The following NPY2R variants were observed in gnomAD, a reference collection of about 807,000 sequenced individuals.
NPY2R encodes the protein neuropeptide Y receptor type 2.
Under a neutral mutation model 22.3 loss-of-function variants are expected in NPY2R, and 17 were observed. The ratio of observed to expected loss-of-function variants is 0.76; its 90% CI spans 0.52 to 1.14. The LOEUF is 1.14. Among genes scored for constraint, NPY2R ranks in the 50% most tolerant of loss-of-function variants. The pLI is 0.00. For synonymous variants in NPY2R, 209 were observed against 183.4 expected, an observed-to-expected ratio of 1.14 and a Z score of -1.13; for missense variants, 424 against 467.9, an observed-to-expected ratio of 0.91 and a Z score of 0.87.
chr4:155,178,888 C>T, the NPY2R span, among the ~76,000 whole-genome samples: 5 of 152,130 alleles, frequency 3.3e-5, no homozygotes, highest in Admixed American at 2.0e-4. Context: ...CTCCCATTGC[C>T]CAAATGTTAG....
the NPY2R span, among the ~76,000 whole-genome samples, chr4:155,197,164 T>C: frequency 6.6e-6 from 1 of 152,108 alleles, no homozygotes; most frequent in African/African-American, 2.4e-5. Flanking sequence ...TGTTTAAAAA[T>C]ATGTGATTAT....
chr4:155,179,604 G>A, the NPY2R span, among the ~76,000 whole-genome samples: 5 of 152,200 alleles, frequency 3.3e-5, no homozygotes, highest in Admixed American at 6.5e-5. Flanking sequence ...TTTCTGCCCC[G>A]GTATGAACTC....
chr4:155,190,037 T>C, the NPY2R span, among the ~76,000 whole-genome samples: 1 of 152,154 alleles, frequency 6.6e-6, no homozygotes, highest in South Asian at 2.1e-4. Context: ...GGCTAATGCT[T>C]AGATTTTTAA....
the NPY2R span, among the ~76,000 whole-genome samples, chr4:155,201,037 A>T: frequency 8.9e-6 from 1 of 112,758 alleles, no homozygotes; most frequent in African/African-American, 3.4e-5. Flanking sequence ...AAATAAAATA[A>T]AATATAAAAC....
chr4:155,216,578 C>T lies in NPY2R; in HGVS notation c.*1493C>T, dbSNP rs534117623. On this transcript the variant is annotated 3_prime_UTR_variant, in exon 2 of 2. Coordinates refer to ENST00000329476, the MANE Select transcript of NPY2R (RefSeq NM_000910.4). ...AACATTAATTTTATGAACTGGAGAGCTTTACTTTGTGGATATATTTAAAAT... is the reference window on the plus strand; with the variant it reads ...AACATTAATTTTATGAACTGGAGAGTTTTACTTTGTGGATATATTTAAAAT... The T allele has an allele frequency of 5.4e-5, 9 of 166,626 alleles. No individual in the cohort carries two copies. In the South Asian group the frequency reaches 1.9e-3, roughly 35 times the overall value. 10.3% of individuals were successfully genotyped at this position (166,626 alleles called of 1,614,324 possible). A position where few individuals can be genotyped will look rare whatever the true frequency, so the allele number is the denominator to read the frequency against.
At chr4:155,176,384 C>T in the NPY2R span, among the ~76,000 whole-genome samples, 1 of 152,114 alleles carries the variant, frequency 6.6e-6, no homozygotes, top group Non-Finnish European at 1.5e-5. Context: ...GCTTTCTTCT[C>T]GGGCGGGGTC....
At chr4:155,212,623 G>T (rs947409615) in intron 1 of NPY2R, among the ~76,000 whole-genome samples, 1 of 152,144 alleles carries the variant, frequency 6.6e-6, no homozygotes, top group Non-Finnish European at 1.5e-5. Context: ...TTAGGTGAAT[G>T]AATTAATTAA....
the NPY2R span, among the ~76,000 whole-genome samples, chr4:155,192,182 T>C: frequency 4.6e-5 from 7 of 151,874 alleles, no homozygotes; most frequent in Non-Finnish European, 1.0e-4. Flanking sequence ...AGGATTATTA[T>C]AGTGTTCAAG....
chr4:155,180,712 G>A, the NPY2R span, among the ~76,000 whole-genome samples: 1 of 151,636 alleles, frequency 6.6e-6, no homozygotes, highest in Non-Finnish European at 1.5e-5. Context: ...CTTCCAATTA[G>A]GCTTCATGTT....
upstream of NPY2R, among the ~76,000 whole-genome samples, chr4:155,205,835 A>ATCTATCTG (rs879425483): frequency 5.0e-4 from 76 of 151,898 alleles, no homozygotes; most frequent in Non-Finnish European, 8.2e-4. Flanking sequence ...CTATCTATCT[A>ATCTATCTG]TCTATCTATC....
At position 155,216,724 on chromosome 4, in the gene NPY2R, C is replaced by T. The variant is rs1485960591; in HGVS notation, c.*1639C>T. 2 of 166,946 alleles carry T rather than the reference C, an allele frequency of 1.2e-5. No homozygotes were observed. The highest frequency in any genetic ancestry group is 4.8e-5 in the African/African-American group (2 of 41,426). 10.3% of individuals were successfully genotyped at this position (166,946 alleles called of 1,614,324 possible). On this transcript the variant is annotated 3_prime_UTR_variant, in exon 2 of 2. Coordinates refer to ENST00000329476, the MANE Select transcript of NPY2R (RefSeq NM_000910.4). The stretch of plus-strand genomic sequence containing the variant: ...ACAATATGTTAGATTAGGTGTAAGA[C>T]TTTAAGAAGCGAACAAAAAGTAATG...
At chr4:155,181,781 T>G in the NPY2R span, among the ~76,000 whole-genome samples, 1 of 152,188 alleles carries the variant, frequency 6.6e-6, no homozygotes, top group Non-Finnish European at 1.5e-5. Flanking sequence ...GTTTATGGCA[T>G]TTTGTTTTGG....
At chr4:155,196,167 C>T in the NPY2R span, among the ~76,000 whole-genome samples, 1 of 152,074 alleles carries the variant, frequency 6.6e-6, no homozygotes, top group African/African-American at 2.4e-5. Flanking sequence ...ACATCCTGGT[C>T]GGTGTCTAAC....
At chr4:155,196,786 G>A in the NPY2R span, among the ~76,000 whole-genome samples, 3 of 151,178 alleles carry the variant, frequency 2.0e-5, no homozygotes, top group African/African-American at 7.4e-5. Context: ...GCCAGAGGGG[G>A]GATCTCATCA....
the NPY2R span, among the ~76,000 whole-genome samples, chr4:155,180,904 A>C: frequency 6.6e-6 from 1 of 151,960 alleles, no homozygotes; most frequent in Non-Finnish European, 1.5e-5. Flanking sequence ...ATACATTCGA[A>C]CTGATGAAAT....
At chr4:155,206,743 C>T (rs1729291394), upstream of NPY2R, 1 of 152,220 alleles carries the variant, frequency 6.6e-6, no homozygotes, top group African/African-American at 2.4e-5. Flanking sequence ...CAATCAATGT[C>T]AGTGAAATCA....
chr4:155,183,048 C>G, the NPY2R span, among the ~76,000 whole-genome samples: 1 of 152,096 alleles, frequency 6.6e-6, no homozygotes, highest in Non-Finnish European at 1.5e-5. Flanking sequence ...CTGCCTTGGC[C>G]TCTCAAAGTG....
At chr4:155,181,322 C>A in the NPY2R span, among the ~76,000 whole-genome samples, 71,588 of 151,942 alleles carry the variant, frequency 0.47, 17,564 homozygotes, top group East Asian at 0.69. Flanking sequence ...AACCCTCACA[C>A]ATTTCTGAAG....
At chr4:155,180,935 A>C in the NPY2R span, among the ~76,000 whole-genome samples, 1 of 152,062 alleles carries the variant, frequency 6.6e-6, no homozygotes, top group African/African-American at 2.4e-5. Flanking sequence ...TGGTGATTCA[A>C]GTAAAATAAA....
Sources: allele counts gnomAD v4.1 joint callset (sites outside exome capture counted in the v4.1 genomes callset), GRCh38; gene constraint gnomAD v4.1.1; transcripts MANE v1.5; gene names NCBI Gene and HGNC (gene_info 2026-07-23, HGNC 2026-07-21).